ATXN2: variants seen among roughly 807,000 people sequenced by gnomAD.
ATXN2 encodes the protein ataxin-2.
Under a neutral mutation model 138.6 loss-of-function variants are expected in ATXN2, and 37 were observed. The ratio of observed to expected loss-of-function variants is 0.27; its 90% confidence interval spans 0.21 to 0.35. The LOEUF (loss-of-function observed/expected upper bound fraction) is 0.35, where lower values mean the gene tolerates loss of function less well. ATXN2 is among the 10% of genes least tolerant of loss of function. The pLI is 1.00. For missense variants in ATXN2, 1,216 were observed against 1,480.3 expected (o/e 0.82, Z 2.93); for synonymous variants, 549 against 543.7 (o/e 1.01, Z -0.13).
At chr12:111,488,444 A>G (rs1370920033) in intron 15 of ATXN2, 32 bp downstream of exon 15, 2 of 1,569,110 alleles carry the variant, frequency 1.3e-6, no homozygotes, top group Non-Finnish European at 1.7e-6. Context: ...TTAATTGAGT[A>G]ACAGGATGGT....
At chr12:111,565,050 A>G (rs1264533747) in intron 1 of ATXN2, among the ~76,000 whole-genome samples, 1 of 152,172 alleles carries the variant, frequency 6.6e-6, no homozygotes, top group Non-Finnish European at 1.5e-5. Flanking sequence ...AAACTGCTGG[A>G]TAGCATTAAA....
chr12:111,547,719 C>T (rs770683131), intron 5 of ATXN2, among the ~76,000 whole-genome samples: 2 of 149,216 alleles, frequency 1.3e-5, no homozygotes, highest in Non-Finnish European at 3.0e-5. Flanking sequence ...GAGCAAAACT[C>T]CGTCCCAAGG....
chr12:111,578,702 T>C (rs765539201), intron 1 of ATXN2, among the ~76,000 whole-genome samples: 8 of 152,018 alleles, frequency 5.3e-5, no homozygotes, highest in Non-Finnish European at 8.8e-5. Flanking sequence ...AATAAACACA[T>C]GAAAAAATGC....
At chr12:111,570,640 G>A (rs1355974639) in intron 1 of ATXN2, among the ~76,000 whole-genome samples, 3 of 152,018 alleles carry the variant, frequency 2.0e-5, no homozygotes, top group Non-Finnish European at 4.4e-5. Flanking sequence ...TGGCCTTACT[G>A]AAAACTGCTT....
chr12:111,549,641 A>C (rs1882015656), intron 5 of ATXN2, among the ~76,000 whole-genome samples: 1 of 152,230 alleles, frequency 6.6e-6, no homozygotes, highest in South Asian at 2.1e-4. Context: ...TTTATAGAAG[A>C]GGGCAATTTC....
intron 1 of ATXN2, among the ~76,000 whole-genome samples, chr12:111,593,199 TTC>T (rs1884767729): frequency 6.6e-6 from 1 of 151,882 alleles, no homozygotes; most frequent in African/African-American, 2.4e-5. Flanking sequence ...GATCAAGCAA[TTC>T]TCTTCCCTCA....
At chr12:111,492,689 GAAA>G (rs79185818) in intron 14 of ATXN2, among the ~76,000 whole-genome samples, 3 of 99,710 alleles carry the variant, frequency 3.0e-5, no homozygotes. Flanking sequence ...CTCAAAAACA[GAAA>G]AAAAAAAAAA....
intron 10 of ATXN2, among the ~76,000 whole-genome samples, chr12:111,513,987 AG>A (rs778423575): frequency 3.9e-5 from 6 of 152,176 alleles, no homozygotes; most frequent in Admixed American, 6.5e-5. Flanking sequence ...TTCTAAAATT[AG>A]AAAAAAAAAA....
intron 1 of ATXN2, among the ~76,000 whole-genome samples, chr12:111,562,278 T>A (rs1882733936): frequency 6.6e-6 from 1 of 151,866 alleles, no homozygotes; most frequent in Admixed American, 6.6e-5. Flanking sequence ...TAAAATAGTT[T>A]TAAAAAACAG....
chr12:111,527,809 T>C (rs1369965589), intron 5 of ATXN2, among the ~76,000 whole-genome samples: 1 of 152,266 alleles, frequency 6.6e-6, no homozygotes, highest in African/African-American at 2.4e-5. Flanking sequence ...TGAAAGCTAC[T>C]GATGGCACTA....
intron 14 of ATXN2, among the ~76,000 whole-genome samples, chr12:111,504,900 C>T (rs1281655779): frequency 6.6e-6 from 1 of 151,962 alleles, no homozygotes; most frequent in African/African-American, 2.4e-5. Context: ...CGATCCAGAC[C>T]CCCAGAGAGG....
chr12:111,470,624 A>G lies in ATXN2; in HGVS notation c.2643T>C (p.Val881=). The part of the protein sequence containing the change: ...ATPPAYSTQY[V]AYSPQQFPNQ... The stretch of plus-strand genomic sequence containing the variant: ...TTGGGAACTGCTGAGGACTGTAGGC[A>G]ACATATTGCGTGGAGTAAGCTGGTG... Residue 881 remains valine, a synonymous_variant, in exon 19 of 25, where the codon GTT becomes GTC. Transcript: ENST00000673436. 1 of 1,614,192 alleles carries G rather than the reference A, an allele frequency of 6.2e-7. No homozygotes were observed. The highest frequency in any genetic ancestry group is 8.5e-7 in the Non-Finnish European group (1 of 1,180,040).
chr12:111,493,182 G>T (rs544568468), intron 14 of ATXN2, among the ~76,000 whole-genome samples: 57 of 152,212 alleles, frequency 3.7e-4, no homozygotes, highest in African/African-American at 1.3e-3. Context: ...ACTTTAGGAT[G>T]CCAAGGCGGG....
chr12:111,460,744 CT>C (rs1385746211), intron 21 of ATXN2, among the ~76,000 whole-genome samples: 3 of 152,006 alleles, frequency 2.0e-5, no homozygotes, highest in Non-Finnish European at 2.9e-5. Context: ...TATTCATCAA[CT>C]GGAAAAATGT....
intron 5 of ATXN2, among the ~76,000 whole-genome samples, chr12:111,539,120 G>C (rs1248680464): frequency 3.3e-5 from 5 of 150,214 alleles, no homozygotes; most frequent in African/African-American, 1.2e-4. Flanking sequence ...TCTGGATCAG[G>C]ATCTATTTTA....
chr12:111,509,892 T>C lies in ATXN2; in HGVS notation c.1863A>G (p.Lys621=). ...TSPSFSKAEN[K]GISPVVSEHR... Reference sequence around the variant, plus strand: ...CTTAATGACTCTTTAAACTCTAACCTTTGTTTTCAGCTTTTGAGAAGCTAG... The same window carrying C: ...CTTAATGACTCTTTAAACTCTAACCCTTGTTTTCAGCTTTTGAGAAGCTAG... Residue 621 remains lysine, a splice_region_variant and synonymous_variant, in exon 13 of 25, where the codon AAA becomes AAG. Coordinates refer to ENST00000673436, the MANE Select transcript of ATXN2 (RefSeq NM_001372574.1). The C allele has an allele frequency of 6.2e-7, 1 of 1,604,074 alleles. No individual in the cohort carries two copies. The highest frequency in any genetic ancestry group is 8.5e-7 in the Non-Finnish European group (1 of 1,171,600).
chr12:111,548,186 T>G (rs1270837209), intron 5 of ATXN2, among the ~76,000 whole-genome samples: 1 of 152,100 alleles, frequency 6.6e-6, no homozygotes, highest in Non-Finnish European at 1.5e-5. Flanking sequence ...AGCAAGACTC[T>G]GTCTCAAAAC....
chr12:111,519,786 T>G (rs1880054596), intron 8 of ATXN2, 93 bp downstream of exon 8: 1 of 1,584,050 alleles, frequency 6.3e-7, no homozygotes, highest in South Asian at 1.1e-5. Context: ...CTAAGCTATA[T>G]TAAAGGAAGA....
At chr12:111,525,639 A>C (rs1427627336) in intron 5 of ATXN2, among the ~76,000 whole-genome samples, 1 of 152,046 alleles carries the variant, frequency 6.6e-6, no homozygotes, top group Non-Finnish European at 1.5e-5. Flanking sequence ...ACAGATGACT[A>C]TCAGTAAAGG....
Sources: gnomAD v4.1 joint callset for allele counts (sites outside exome capture counted in the v4.1 genomes callset) on GRCh38, gnomAD v4.1.1 for gene constraint, MANE v1.5 for transcripts, NCBI Gene and HGNC (gene_info 2026-07-23, HGNC 2026-07-21) for gene names.